PARN: variants seen among roughly 807,000 people sequenced by gnomAD.
PARN encodes the protein poly(A)-specific ribonuclease.
Under a neutral mutation model 102.8 loss-of-function variants are expected in PARN, and 71 were observed. That is an observed-to-expected ratio of 0.69 (90% CI 0.57 to 0.84). PARN has a LOEUF of 0.84. PARN is among the 40% of genes least tolerant of loss of function. The pLI is 0.00. For synonymous variants in PARN, 261 were observed against 252.9 expected (o/e 1.03, Z -0.30); for missense variants, 782 against 760.9 (o/e 1.03, Z -0.33).
chr16:14,482,466 C>G (rs1003212504), intron 22 of PARN, among the ~76,000 whole-genome samples, 172 bp downstream of exon 22: 1 of 152,078 alleles, frequency 6.6e-6, no homozygotes, highest in Non-Finnish European at 1.5e-5. Flanking sequence ...GTCTATAAAG[C>G]AGTCTCTAAA....
At chr16:14,616,046 C>T (rs1288520209) in intron 6 of PARN, among the ~76,000 whole-genome samples, 1 of 152,028 alleles carries the variant, frequency 6.6e-6, no homozygotes, top group Admixed American at 6.6e-5. Context: ...AAACCTCCTT[C>T]CCTCTTTCAT....
chr16:14,616,252 GC>G (rs1370048311), intron 6 of PARN, among the ~76,000 whole-genome samples: 2 of 152,164 alleles, frequency 1.3e-5, no homozygotes, highest in African/African-American at 4.8e-5. Context: ...ACCCATTTAT[GC>G]ATCAAATATT....
chr16:14,560,619 GA>G (rs2151718718), intron 18 of PARN, among the ~76,000 whole-genome samples: 1 of 152,298 alleles, frequency 6.6e-6, no homozygotes, highest in South Asian at 2.1e-4. Flanking sequence ...AATGTTGTAT[GA>G]GTATATCACT....
intron 21 of PARN, among the ~76,000 whole-genome samples, chr16:14,515,395 A>G (rs1965410185): frequency 6.6e-6 from 1 of 152,192 alleles, no homozygotes. Context: ...CTGACCTTAA[A>G]CATATGTAGA....
At chr16:14,530,894 G>A (rs1966285365) in intron 21 of PARN, among the ~76,000 whole-genome samples, 1 of 152,168 alleles carries the variant, frequency 6.6e-6, no homozygotes, top group Non-Finnish European at 1.5e-5. Flanking sequence ...TACTGGGTGG[G>A]ACAGACTGAC....
rs1316599134 is a variant in PARN at position 14,435,935 on chromosome 16, CACACACACAG to C, written c.*772_*781del. 11 of 149,984 alleles carry C rather than the reference CACACACACAG, an allele frequency of 7.3e-5. No homozygotes were observed. Among genetic ancestry groups the C allele is most frequent in the East Asian group, 5.8e-4 (3 of 5,190 alleles). 9.3% of individuals were successfully genotyped at this position (149,984 alleles called of 1,614,324 possible). ...ACACACACACACACACACACACACA[CACACACACAG>C]ACACGTACGCACACACGCTGCCGTA... is the stretch of plus-strand genomic sequence containing the variant. On this transcript the variant is annotated 3_prime_UTR_variant, in exon 24 of 24. Transcript: ENST00000437198.
chr16:14,617,075 T>A (rs1375274414), intron 6 of PARN, among the ~76,000 whole-genome samples: 48 of 148,840 alleles, frequency 3.2e-4, no homozygotes, highest in Middle Eastern at 3.5e-3. Context: ...TTGTTTTTTT[T>A]TAAAAAAAAA....
rs143300297 is a variant in PARN at position 14,457,947 on chromosome 16, T to A, written c.1671-10866A>T. On this transcript the variant is annotated intron_variant, in intron 22 of 23. Coordinates refer to ENST00000437198, the MANE Select transcript of PARN (RefSeq NM_002582.4). Reference sequence around the variant, plus strand: ...GTGTGTGTGGGTGTGTGTGTGTGTGTGAGAGAGAGAGACAGAGAAAACATG... The same window carrying A: ...GTGTGTGTGGGTGTGTGTGTGTGTGAGAGAGAGAGAGACAGAGAAAACATG... Among the ~76,000 whole-genome samples the A allele has an allele frequency of 1.4e-3, 206 of 150,374 alleles. 4 individuals are homozygous for A. The East Asian group carries it at 0.033, about 24-fold the overall frequency.
rs1448106900 is a variant in PARN, at chr16:14,554,128, G to A, written c.1342C>T (p.Leu448Phe). Residue 448 changes from leucine to phenylalanine, a missense_variant, in exon 20 of 24, where the codon CTC becomes TTC. Leu to Phe is a conservative substitution (Grantham distance 22). Transcript: ENST00000437198. ...CATTCTTTGGGGAATGTCACATGGA[G>A]AACATGATCACGTTTAGGCTGCACT... is the stretch of plus-strand genomic sequence containing the variant. ...PDLQPKRDHVLHVTFPKEWKT... is the reference protein window; with the variant it reads ...PDLQPKRDHVFHVTFPKEWKT... 6.2e-7 allele frequency: 1 copy of A among 1,613,140 alleles called. No individual in the cohort carries two copies. Among genetic ancestry groups the A allele is most frequent in the Middle Eastern group, 1.7e-4 (1 of 6,060 alleles).
chr16:14,555,676 A>G lies in PARN; in HGVS notation c.1296T>C (p.Tyr432=). Residue 432 remains tyrosine, a synonymous_variant, in exon 19 of 24, where the codon TAT becomes TAC. Coordinates refer to ENST00000437198, the MANE Select transcript of PARN (RefSeq NM_002582.4). ...LFLMRVMDIP[Y]LNLEGPDLQP... is the part of the protein sequence containing the mutation. ...TACAGTCTGGTCCTTCCAAGTTTAG[A>G]TAGGGGATATCCATGACCCTCATAA... 4 of 1,485,380 alleles carry G rather than the reference A, an allele frequency of 2.7e-6. No homozygotes were observed. The highest frequency in any genetic ancestry group is 3.7e-6 in the Non-Finnish European group (4 of 1,091,602). 92.0% of individuals were successfully genotyped at this position (1,485,380 alleles called of 1,614,324 possible). A position where few individuals can be genotyped will look rare whatever the true frequency, so the allele number is the denominator to read the frequency against.
rs376992177 is a variant in PARN at position 14,604,219 on chromosome 16, C to A, written c.710G>T (p.Arg237Leu). The change falls in exon 11 of 24, where the codon CGA (arginine) becomes CTA (leucine). Residue 237 changes from arginine (R) to leucine (L), a missense_variant. Transcript: ENST00000437198. ...VETLETEKKE[R>L]YIVISKVDEE... is the part of the protein sequence containing the mutation. Reference sequence around the variant, plus strand: ...ATCTACTTTGCTGATAACTATATATCGCTCCTTCTAAAAGACATAAAGCAG... The same window carrying A: ...ATCTACTTTGCTGATAACTATATATAGCTCCTTCTAAAAGACATAAAGCAG... 3 of 1,579,388 alleles carry A rather than the reference C, an allele frequency of 1.9e-6. No individual in the cohort carries two copies. The highest frequency in any genetic ancestry group is 2.7e-5 in the African/African-American group (2 of 74,482).
intron 13 of PARN, among the ~76,000 whole-genome samples, chr16:14,591,368 C>A (rs889400898): frequency 4.8e-5 from 7 of 144,344 alleles, no homozygotes; most frequent in Admixed American, 4.2e-4. Context: ...TCCAGCCTGG[C>A]AACAGAGTAA....
At chr16:14,563,359 C>A (rs1413829171) in intron 18 of PARN, among the ~76,000 whole-genome samples, 1 of 152,158 alleles carries the variant, frequency 6.6e-6, no homozygotes, top group Non-Finnish European at 1.5e-5. Context: ...CATGTACTGA[C>A]AAGAGCTCCA....
chr16:14,628,140 A>G (rs1972792256), intron 3 of PARN, 32 bp downstream of exon 3: 1 of 1,240,112 alleles, frequency 8.1e-7, no homozygotes, highest in African/African-American at 1.5e-5. Context: ...CTAACATGAG[A>G]AAGAAAAAGA....
chr16:14,594,827 C>T (rs944373919), intron 12 of PARN, among the ~76,000 whole-genome samples: 3 of 152,204 alleles, frequency 2.0e-5, no homozygotes, highest in East Asian at 1.9e-4. Context: ...TAATCCTACA[C>T]AAAATCTCCC....
intron 22 of PARN, among the ~76,000 whole-genome samples, chr16:14,458,846 C>T (rs537220389): frequency 7.2e-5 from 11 of 152,246 alleles, no homozygotes; most frequent in Admixed American, 2.0e-4. Context: ...AAGCGATCTC[C>T]GCAGGCTCAG....
At chr16:14,474,771 C>T (rs971792912) in intron 22 of PARN, among the ~76,000 whole-genome samples, 8 of 152,218 alleles carry the variant, frequency 5.3e-5, no homozygotes, top group African/African-American at 1.9e-4. Context: ...TGCCCTATGG[C>T]TTCTGTTGTC....
intron 18 of PARN, among the ~76,000 whole-genome samples, chr16:14,563,714 TA>T (rs1367467781): frequency 4.0e-5 from 6 of 151,156 alleles, no homozygotes; most frequent in South Asian, 2.1e-4. Flanking sequence ...TTTTTTTTTT[TA>T]GTTATACAAT....
chr16:14,531,832 G>A (rs977048620), intron 21 of PARN, among the ~76,000 whole-genome samples: 1 of 151,374 alleles, frequency 6.6e-6, no homozygotes. Flanking sequence ...ATGAAAACTG[G>A]TTAGATGTAA....
Sources: gnomAD v4.1 joint callset for allele counts (sites outside exome capture counted in the v4.1 genomes callset) on GRCh38, gnomAD v4.1.1 for gene constraint, MANE v1.5 for transcripts, NCBI Gene and HGNC (gene_info 2026-07-23, HGNC 2026-07-21) for gene names.